WDR64: variants seen among roughly 807,000 people sequenced by gnomAD.
WDR64 encodes the protein WD repeat-containing protein 64.
In WDR64, 112 loss-of-function variants were observed where a neutral mutation model predicts 139.3. The ratio of observed to expected loss-of-function variants is 0.80; its 90% CI spans 0.69 to 0.94. The LOEUF is 0.94. Ranked by LOEUF, WDR64 falls within the 40% of genes least tolerant of loss-of-function variation. The pLI is 0.00. For synonymous variants in WDR64, 444 were observed against 437.7 expected (o/e 1.01, Z -0.18); for missense variants, 1,206 against 1,293.1 (o/e 0.93, Z 1.03).
In WDR64 at chr1:241,802,067, A is replaced by G; in HGVS notation, c.*852A>G. 5.0e-6 allele frequency: 2 copies of G among 398,008 alleles called. No individual in the cohort carries two copies. Among genetic ancestry groups the G allele is most frequent in the East Asian group, 7.2e-5 (2 of 27,928 alleles). 24.7% of individuals were successfully genotyped at this position (398,008 alleles called of 1,614,324 possible). A position where few individuals can be genotyped will look rare whatever the true frequency, so the allele number is the denominator to read the frequency against. On this transcript the variant is annotated 3_prime_UTR_variant, in exon 28 of 28. Coordinates refer to ENST00000437684, the MANE Select transcript of WDR64 (RefSeq NM_001367482.1). ...TCAATATAGCCATATTAATATTAAA[A>G]TACACTTTAAGAAAATAAACAAGAA... is the stretch of plus-strand genomic sequence containing the variant.
chr1:241,745,164 A>G (rs2148252554), intron 13 of WDR64, among the ~76,000 whole-genome samples: 1 of 152,200 alleles, frequency 6.6e-6, no homozygotes, highest in African/African-American at 2.4e-5. Context: ...CTTTATCTAG[A>G]CCATATGACC....
intron 16 of WDR64, 50 bp from the exon 17 acceptor site, chr1:241,769,354 G>T: frequency 7.1e-7 from 1 of 1,410,320 alleles, no homozygotes. Flanking sequence ...AGTACTGTAA[G>T]CTCCATAATT....
At chr1:241,697,207 A>G (rs1238214105) in intron 8 of WDR64, among the ~76,000 whole-genome samples, 1 of 152,142 alleles carries the variant, frequency 6.6e-6, no homozygotes, top group African/African-American at 2.4e-5. Context: ...TCCAGTGACT[A>G]TTCCAGACTT....
chr1:241,753,204 C>T (rs139235220), intron 14 of WDR64, among the ~76,000 whole-genome samples: 140 of 152,244 alleles, frequency 9.2e-4, no homozygotes, highest in African/African-American at 3.3e-3. Flanking sequence ...GTACCTTGCC[C>T]GAGGTCCCAC....
In WDR64 at chr1:241,741,673, C is replaced by A; in HGVS notation, c.1470+9C>A. 1 of 1,571,216 alleles carries A rather than the reference C, an allele frequency of 6.4e-7. No individual in the cohort carries two copies. Among genetic ancestry groups the A allele is most frequent in the Non-Finnish European group, 8.6e-7 (1 of 1,166,036 alleles). ...CTGAATCCATAATTAGGGTAAGTAC[C>A]TATTGGCTTTTCAAACAGAAAAAAA... On this transcript the variant is annotated intron_variant, in intron 12 of 27. Transcript: ENST00000437684.
intron 21 of WDR64, among the ~76,000 whole-genome samples, chr1:241,776,313 G>A (rs1034381799): frequency 4.0e-5 from 6 of 151,888 alleles, no homozygotes; most frequent in African/African-American, 9.7e-5. Flanking sequence ...TCCTGACCTC[G>A]TGTGATCTGC....
intron 8 of WDR64, among the ~76,000 whole-genome samples, chr1:241,707,064 CCCCCTTCTCCCTGTGGTGTCATACCCAA>C (rs1470032306): frequency 1.3e-5 from 2 of 152,250 alleles, no homozygotes; most frequent in South Asian, 2.1e-4. Flanking sequence ...TCACCACAGC[CCCCCTTCTCCCTGTGGTGTCATACCCAA>C]CCCCTTCTCC....
intron 8 of WDR64, among the ~76,000 whole-genome samples, chr1:241,689,562 AC>A (rs1667135712): frequency 6.6e-6 from 1 of 152,212 alleles, no homozygotes. Flanking sequence ...ATGCAGATGC[AC>A]CTAACAACAG....
intron 22 of WDR64, among the ~76,000 whole-genome samples, chr1:241,781,916 A>G (rs1436726784): frequency 6.6e-6 from 1 of 152,256 alleles, no homozygotes; most frequent in Non-Finnish European, 1.5e-5. Flanking sequence ...CTATAAATAC[A>G]GTCAGTGTTA....
chr1:241,696,972 A>G (rs376626876), intron 8 of WDR64, among the ~76,000 whole-genome samples: 2 of 152,128 alleles, frequency 1.3e-5, no homozygotes, highest in African/African-American at 2.4e-5. Flanking sequence ...TGATCTCTTC[A>G]TTATCTCAAA....
chr1:241,760,099 G>A (rs938235346), intron 15 of WDR64, among the ~76,000 whole-genome samples: 4 of 152,138 alleles, frequency 2.6e-5, no homozygotes, highest in African/African-American at 7.2e-5. Context: ...TAGAACACAT[G>A]TTGTTTACCC....
intron 19 of WDR64, among the ~76,000 whole-genome samples, chr1:241,772,330 GA>G (rs35285628): frequency 1.4e-3 from 176 of 128,804 alleles, no homozygotes; most frequent in East Asian, 9.4e-3. Context: ...TTCTCTGGGT[GA>G]AAAAAAAAAA....
chr1:241,769,545 C>T, intron 17 of WDR64, 40 bp downstream of exon 17: 2 of 1,505,804 alleles, frequency 1.3e-6, no homozygotes, highest in Non-Finnish European at 1.8e-6. Context: ...CTGTCTGGGA[C>T]TTAGGTGGCT....
At chr1:241,675,062 T>TCCTTCCTTCCTCCCTC (rs1558465961) in intron 4 of WDR64, among the ~76,000 whole-genome samples, 1 of 14,408 alleles carries the variant, frequency 6.9e-5, no homozygotes, top group Non-Finnish European at 1.4e-4. Flanking sequence ...TTTTCTCCCT[T>TCCTTCCTTCCTCCCTC]CCTCCTTCCT....
rs746830701 is a variant in WDR64, at chr1:241,738,501, C to T, written c.1321+12C>T. The T allele has an allele frequency of 1.9e-6, 3 of 1,594,700 alleles. No homozygotes were observed. The highest frequency in any genetic ancestry group is 3.5e-5 in the Admixed American group (2 of 56,340). On this transcript the variant is annotated intron_variant, in intron 11 of 27. Coordinates refer to ENST00000437684, the MANE Select transcript of WDR64 (RefSeq NM_001367482.1). ...CATGCTTATTACGGGTAAGTGTACC[C>T]AATTAATGTCAAACGAAACTCATGT...
chr1:241,676,741 A>T (rs1666570802), intron 4 of WDR64, among the ~76,000 whole-genome samples: 1 of 125,500 alleles, frequency 8.0e-6, no homozygotes, highest in Admixed American at 9.3e-5. Flanking sequence ...CTAAAAAATT[A>T]ATGGTTTTTT....
Position 241,744,484 on chromosome 1 carries a change from G to C in WDR64, c.1562G>C (p.Ser521Thr), listed in dbSNP as rs1311025056. 1.2e-6 allele frequency: 2 copies of C among 1,614,142 alleles called. No homozygotes were observed. Among genetic ancestry groups the C allele is most frequent in the Admixed American group, 1.7e-5 (1 of 60,026 alleles). The stretch of plus-strand genomic sequence containing the variant: ...GTGACTTCTGCAGCTGTCGATGAAA[G>C]TGGATTTCTTTTTGCCACAGGAGCG... ...TEVTSAAVDE[S>T]GFLFATGAYN... is the part of the protein sequence containing the mutation. The change falls in exon 13 of 28, where the codon AGT becomes ACT. Residue 521 changes from serine (S) to threonine (T), a missense_variant. By Grantham distance (58) the Ser-to-Thr change is moderately conservative. Transcript: ENST00000437684.
intron 11 of WDR64, among the ~76,000 whole-genome samples, chr1:241,738,948 G>A (rs1669430244): frequency 6.6e-6 from 1 of 152,192 alleles, no homozygotes; most frequent in Non-Finnish European, 1.5e-5. Context: ...TGACTCTGGA[G>A]CAGGAATATG....
chr1:241,787,833 C>T lies in WDR64; in HGVS notation c.2706-16C>T, dbSNP rs562339219. On this transcript the variant is annotated splice_polypyrimidine_tract_variant and intron_variant, in intron 23 of 27. Transcript: ENST00000437684. ...TTTCCAGTTACTTTTTCCTCCCTTC[C>T]TTTTCCTTCCCTCAGGCTCTGGCAT... The T allele has an allele frequency of 1.9e-6, 3 of 1,552,024 alleles. No individual in the cohort carries two copies. The highest frequency in any genetic ancestry group is 2.5e-5 in the South Asian group (2 of 80,916).
Sources: allele counts gnomAD v4.1 joint callset (sites outside exome capture counted in the v4.1 genomes callset), GRCh38; gene constraint gnomAD v4.1.1; transcripts MANE v1.5; gene names NCBI Gene and HGNC (gene_info 2026-07-23, HGNC 2026-07-21).